The following TOX variants were observed in gnomAD, a reference collection of about 807,000 sequenced individuals.
The protein encoded by TOX is thymocyte selection associated high mobility group box, also known as thymocyte selection-associated high mobility group box protein TOX.
TOX carries 11 observed loss-of-function variants against 53.7 expected under a neutral mutation model. That is an observed-to-expected ratio of 0.20 (90% CI 0.13 to 0.34). TOX has a LOEUF of 0.34. Ranked by LOEUF, TOX falls within the 10% of genes least tolerant of loss-of-function variation. The pLI is 1.00. For synonymous variants in TOX, 225 were observed against 245.3 expected (o/e 0.92, Z 0.77); for missense variants, 570 against 664.6 (o/e 0.86, Z 1.56).
At chr8:58,911,290 G>A (rs1811904214) in intron 3 of TOX, among the ~76,000 whole-genome samples, 1 of 152,094 alleles carries the variant, frequency 6.6e-6, no homozygotes, top group Admixed American at 6.5e-5. Context: ...CCTTGGACCT[G>A]GAGAGATTGT....
intron 4 of TOX, among the ~76,000 whole-genome samples, chr8:58,850,403 C>T: frequency 6.6e-6 from 1 of 152,220 alleles, no homozygotes; most frequent in East Asian, 1.9e-4. Context: ...CAGGAATAGG[C>T]AAGGCAGGCT....
chr8:58,956,725 C>T (rs754735708), intron 2 of TOX, among the ~76,000 whole-genome samples: 1 of 152,160 alleles, frequency 6.6e-6, no homozygotes, highest in Non-Finnish European at 1.5e-5. Context: ...CCTCAGCCTC[C>T]GGAGTGGAGA....
chr8:58,838,079 A>G lies in TOX; in HGVS notation c.924+2T>C. ...ATTCCCATTCCACTGGGAATCCCTT[A>G]CCTGTTTTTGCTCTTCTCCTAAACC... On this transcript the variant is annotated splice_donor_variant, in intron 5 of 8. Transcript: ENST00000361421. LOFTEE classifies it high-confidence loss of function. The G allele has an allele frequency of 6.2e-7, 1 of 1,613,412 alleles. No individual in the cohort carries two copies. The highest frequency in any genetic ancestry group is 8.5e-7 in the Non-Finnish European group (1 of 1,179,420).
At chr8:58,883,226 T>C (rs6984917) in intron 3 of TOX, among the ~76,000 whole-genome samples, 34,090 of 152,128 alleles carry the variant, frequency 0.22, 4,424 homozygotes, top group African/African-American at 0.35. Context: ...TCTCCATTAC[T>C]GAGCTCACTA....
At chr8:58,984,738 G>C (rs1466765254) in intron 1 of TOX, among the ~76,000 whole-genome samples, 1 of 139,084 alleles carries the variant, frequency 7.2e-6, no homozygotes, top group African/African-American at 2.7e-5. Flanking sequence ...AGCCAAGACC[G>C]CGCCACTGCA....
At position 59,006,015 on chromosome 8, in the gene TOX, C is replaced by A. The variant is rs140086617; in HGVS notation, c.103-46007G>T. 2.6e-3 allele frequency among the ~76,000 whole-genome samples: 401 copies of A among 152,326 alleles called. 3 individuals carry two copies. Among genetic ancestry groups the A allele is most frequent in the African/African-American group, 9.4e-3 (390 of 41,570 alleles). ...CATGCCTCAGTTTCCCAGATGTGCA[C>A]ACAGGATCATGTACAGCACTCCCTG... On this transcript the variant is annotated intron_variant, in intron 1 of 8. Transcript: ENST00000361421.
At chr8:58,963,306 G>GATAT (rs74274681) in intron 1 of TOX, among the ~76,000 whole-genome samples, 2,807 of 131,642 alleles carry the variant, frequency 0.021, 26 homozygotes, top group African/African-American at 0.032. Context: ...TAGATAGATA[G>GATAT]ATATATATAT....
At chr8:58,905,242 T>C (rs1811793865) in intron 3 of TOX, among the ~76,000 whole-genome samples, 2 of 152,204 alleles carry the variant, frequency 1.3e-5, no homozygotes, top group Admixed American at 1.3e-4. Context: ...AACATATCTA[T>C]ACTATACAAA....
chr8:59,018,092 C>T (rs948826918), intron 1 of TOX, among the ~76,000 whole-genome samples: 1 of 151,812 alleles, frequency 6.6e-6, no homozygotes, highest in African/African-American at 2.4e-5. Flanking sequence ...TATTTAGGAC[C>T]ATAAATTCCA....
At chr8:58,871,521 AG>A (rs1334719321) in intron 3 of TOX, among the ~76,000 whole-genome samples, 1 of 152,190 alleles carries the variant, frequency 6.6e-6, no homozygotes, top group African/African-American at 2.4e-5. Context: ...CAGGATAATA[AG>A]ATGCTGACTT....
intron 1 of TOX, among the ~76,000 whole-genome samples, chr8:59,038,854 A>G (rs954033088): frequency 6.6e-6 from 1 of 152,214 alleles, no homozygotes; most frequent in African/African-American, 2.4e-5. Context: ...GTTGACTGAT[A>G]AAATGGCAGC....
chr8:58,932,544 C>T (rs1367451243), intron 3 of TOX, among the ~76,000 whole-genome samples: 1 of 152,150 alleles, frequency 6.6e-6, no homozygotes, highest in African/African-American at 2.4e-5. Context: ...TCCATGGTTA[C>T]ATACTTTATG....
intron 1 of TOX, among the ~76,000 whole-genome samples, chr8:59,028,812 A>C (rs1814294253): frequency 6.6e-6 from 1 of 152,200 alleles, no homozygotes; most frequent in Non-Finnish European, 1.5e-5. Flanking sequence ...TACATTAAAA[A>C]GACAATTGCT....
chr8:58,866,655 T>C (rs1811107023), intron 3 of TOX, among the ~76,000 whole-genome samples: 1 of 152,256 alleles, frequency 6.6e-6, no homozygotes, highest in South Asian at 2.1e-4. Context: ...TCTTACTAAC[T>C]GCACATTTAT....
At chr8:58,821,412 A>C (rs1310327452) in intron 6 of TOX, among the ~76,000 whole-genome samples, 1 of 152,074 alleles carries the variant, frequency 6.6e-6, no homozygotes, top group Non-Finnish European at 1.5e-5. Flanking sequence ...TTATTTTTTA[A>C]ATTTTTGAAT....
chr8:59,114,095 T>G (rs2129425138), intron 1 of TOX, among the ~76,000 whole-genome samples: 1 of 152,264 alleles, frequency 6.6e-6, no homozygotes, highest in East Asian at 1.9e-4. Context: ...ACTGGAAATT[T>G]CCCTACTTCT....
chr8:59,047,696 C>A, intron 1 of TOX, among the ~76,000 whole-genome samples: 1 of 152,102 alleles, frequency 6.6e-6, no homozygotes. Flanking sequence ...CCCTCAGCCT[C>A]CCTAGTAGCT....
At chr8:59,096,951 G>A (rs954887528) in intron 1 of TOX, among the ~76,000 whole-genome samples, 1 of 152,140 alleles carries the variant, frequency 6.6e-6, no homozygotes, top group Non-Finnish European at 1.5e-5. Context: ...TTAATGTGAT[G>A]AATTCATCTA....
At chr8:59,086,437 C>T (rs959028923) in intron 1 of TOX, among the ~76,000 whole-genome samples, 1 of 152,164 alleles carries the variant, frequency 6.6e-6, no homozygotes, top group Non-Finnish European at 1.5e-5. Flanking sequence ...AAGTTTGCTT[C>T]CATTTCTCTC....
Sources: gnomAD v4.1 joint callset for allele counts (sites outside exome capture counted in the v4.1 genomes callset) on GRCh38, gnomAD v4.1.1 for gene constraint, MANE v1.5 for transcripts, NCBI Gene and HGNC (gene_info 2026-07-23, HGNC 2026-07-21) for gene names.